SMAD4: variants seen among roughly 807,000 people sequenced by gnomAD.
SMAD4 encodes MAD homolog 4.
In SMAD4, 7 loss-of-function variants were observed where a neutral mutation model predicts 63.2. That is an observed-to-expected ratio of 0.11 (90% CI 0.06 to 0.21). SMAD4 has a LOEUF of 0.21. Ranked by LOEUF, SMAD4 falls within the 10% of genes least tolerant of loss-of-function variation. The probability of loss-of-function intolerance (pLI) is 1.00; values close to 1 mark genes in which losing one functional copy is unlikely to be tolerated. For synonymous variants in SMAD4, 215 were observed against 235.4 expected (o/e 0.91, Z 0.79); for missense variants, 312 against 693.8 (o/e 0.45, Z 6.18).
chr18:51,055,093 T>C, intron 5 of SMAD4, 100 bp downstream of exon 5: 2 of 860,554 alleles, frequency 2.3e-6, no homozygotes, highest in South Asian at 2.7e-5. Context: ...AAGTAAACAT[T>C]AAAAGTAACT....
rs764439383 is a variant in SMAD4, at chr18:51,046,936, G to A, written c.-111G>A. 5 of 900,222 alleles carry A rather than the reference G, an allele frequency of 5.6e-6. No individual in the cohort carries two copies. The highest frequency in any genetic ancestry group is 8.9e-6 in the Non-Finnish European group (5 of 563,546). The allele number at this position is 900,222 out of a possible 1,614,324, so 55.8% of individuals were successfully genotyped here. On this transcript the variant is annotated 5_prime_UTR_variant, in exon 2 of 12. The change abolishes an upstream ATG in the 5' untranslated region. Transcript: ENST00000342988. ...CTTTTTTAGGTTATCCTGAATACATGTCTAACAATTTTCCTTGCAACGTTA... is the reference window on the plus strand; with the variant it reads ...CTTTTTTAGGTTATCCTGAATACATATCTAACAATTTTCCTTGCAACGTTA...
At chr18:51,073,692 G>A (rs1910394661) in intron 10 of SMAD4, among the ~76,000 whole-genome samples, 1 of 151,706 alleles carries the variant, frequency 6.6e-6, no homozygotes, top group African/African-American at 2.4e-5. Context: ...CATCATGCCT[G>A]GCTAATTTTT....
chr18:51,039,849 C>T (rs1909321539), intron 1 of SMAD4, among the ~76,000 whole-genome samples: 1 of 152,016 alleles, frequency 6.6e-6, no homozygotes, highest in Non-Finnish European at 1.5e-5. Context: ...AAACAAGAAG[C>T]ATACATCTCG....
chr18:51,066,928 T>A, intron 9 of SMAD4, 91 bp from the exon 10 acceptor site: 1 of 984,832 alleles, frequency 1.0e-6, no homozygotes, highest in Admixed American at 1.9e-5. Context: ...TATTTTTAAT[T>A]TTTCAATATT....
chr18:51,059,641 A>T (rs1909950775), intron 7 of SMAD4, among the ~76,000 whole-genome samples: 1 of 152,214 alleles, frequency 6.6e-6, no homozygotes. Context: ...TAATAATAGC[A>T]CTTGGCAGAT....
chr18:51,084,510 TG>T lies in SMAD4; in HGVS notation c.*6049del. The stretch of plus-strand genomic sequence containing the variant: ...GCCTTCCTTGGGGCTGGGTTGAGGG[TG>T]GGGGGTTGGGGAGTCCTGGTAGAGG... On this transcript the variant is annotated 3_prime_UTR_variant, in exon 12 of 12. Transcript: ENST00000342988. The T allele has an allele frequency of 2.5e-5, 3 of 119,318 alleles. No individual in the cohort carries two copies. Among genetic ancestry groups the T allele is most frequent in the Non-Finnish European group, 1.6e-5 (1 of 61,526 alleles). The allele number at this position is 119,318 out of a possible 1,614,324, so 7.4% of individuals were successfully genotyped here.
At chr18:51,068,927 A>C (rs761485586) in intron 10 of SMAD4, among the ~76,000 whole-genome samples, 15 of 151,782 alleles carry the variant, frequency 9.9e-5, no homozygotes, top group Non-Finnish European at 2.2e-4. Flanking sequence ...TCTCAAAAAT[A>C]AATAAATAAA....
At chr18:51,033,277 C>T (rs1909104723) in intron 1 of SMAD4, among the ~76,000 whole-genome samples, 1 of 151,568 alleles carries the variant, frequency 6.6e-6, no homozygotes, top group African/African-American at 2.4e-5. Context: ...GCAAACCCCG[C>T]CTTCCGGGTT....
chr18:51,035,301 ATTTTCT>A lies in SMAD4; in HGVS notation c.-128+4682_-128+4687del, dbSNP rs1909171759. Among the ~76,000 whole-genome samples, 11 of 152,174 alleles carry A rather than the reference ATTTTCT, an allele frequency of 7.2e-5. No homozygotes were observed. In the South Asian group the frequency reaches 2.3e-3, roughly 32 times the overall value. ...CATCACTATTTTAAATAGGAAGTTG[ATTTTCT>A]TTTAAAGTATATTCTCAAATGCTTA... is the stretch of plus-strand genomic sequence containing the variant. On this transcript the variant is annotated intron_variant, in intron 1 of 11. Transcript: ENST00000342988.
intron 8 of SMAD4, among the ~76,000 whole-genome samples, chr18:51,062,053 G>A (rs1034681056): frequency 6.6e-6 from 1 of 152,160 alleles, no homozygotes; most frequent in Non-Finnish European, 1.5e-5. Flanking sequence ...AGCAGTAGAT[G>A]TCATAGTTTA....
Position 51,058,253 on chromosome 18 carries a change from A to C in SMAD4, c.787+9A>C. On this transcript the variant is annotated intron_variant, in intron 6 of 11. Transcript: ENST00000342988. ...AGCTACTTACCATCATAGTATGTAC[A>C]TACTTTAAAAAATCTTTTAAATAGT... 6.2e-7 allele frequency: 1 copy of C among 1,611,256 alleles called. No individual in the cohort carries two copies. Among genetic ancestry groups the C allele is most frequent in the Non-Finnish European group, 8.5e-7 (1 of 1,178,160 alleles).
intron 1 of SMAD4, among the ~76,000 whole-genome samples, chr18:51,039,126 A>C (rs928474765): frequency 6.6e-6 from 1 of 152,210 alleles, no homozygotes; most frequent in Admixed American, 6.5e-5. Flanking sequence ...ATATGAATAA[A>C]GGGATCCTGA....
chr18:51,049,411 G>A (rs1599182994), intron 4 of SMAD4, 87 bp downstream of exon 4: 4 of 949,110 alleles, frequency 4.2e-6, no homozygotes, highest in South Asian at 2.6e-5. Context: ...TTGTGTGAGC[G>A]GCAGGCAGTA....
At position 51,060,051 on chromosome 18, in the gene SMAD4, C is replaced by A. The variant is rs1909965859; in HGVS notation, c.955+135C>A. The A allele has an allele frequency of 5.5e-6, 4 of 724,796 alleles. No individual in the cohort carries two copies. The South Asian group carries it at 5.9e-5, about 11-fold the overall frequency. 44.9% of individuals were successfully genotyped at this position (724,796 alleles called of 1,614,324 possible). A position where few individuals can be genotyped will look rare whatever the true frequency, so the allele number is the denominator to read the frequency against. On this transcript the variant is annotated intron_variant, in intron 8 of 11. Transcript: ENST00000342988. ...AATACTCATCATGACATGAGTTAAT[C>A]AACAGTTTGAGTAGTCAATATAGTC...
intron 2 of SMAD4, among the ~76,000 whole-genome samples, chr18:51,048,341 GAGACAAGGGTCTT>G (rs1052619040): frequency 1.3e-5 from 2 of 151,966 alleles, no homozygotes; most frequent in African/African-American, 4.8e-5. Flanking sequence ...ATTATTTGTG[GAGACAAGGGTCTT>G]GCCATGTTGT....
At position 51,084,530 on chromosome 18, in the gene SMAD4, G is replaced by A; in HGVS notation, c.*6063G>A. The A allele has an allele frequency of 4.4e-6, 1 of 228,202 alleles. No individual in the cohort carries two copies. 14.1% of individuals were successfully genotyped at this position (228,202 alleles called of 1,614,324 possible). ...GAGGGTGGGGGGTTGGGGAGTCCTG[G>A]TAGAGGCCAGCTTTGTGGTAGCTGG... On this transcript the variant is annotated 3_prime_UTR_variant, in exon 12 of 12. Transcript: ENST00000342988.
intron 4 of SMAD4, chr18:51,054,466 T>G (rs1909787987): frequency 5.9e-6 from 2 of 341,716 alleles, no homozygotes; most frequent in South Asian, 2.9e-5. Context: ...TTTAGGTGAT[T>G]ATTCTTCTAG....
At chr18:51,039,916 TG>T (rs1909323669) in intron 1 of SMAD4, among the ~76,000 whole-genome samples, 1 of 152,190 alleles carries the variant, frequency 6.6e-6, no homozygotes, top group African/African-American at 2.4e-5. Context: ...TTGCTTTTAT[TG>T]CTGTATAAAT....
intron 10 of SMAD4, among the ~76,000 whole-genome samples, chr18:51,068,775 G>T (rs1281170920): frequency 1.3e-5 from 2 of 151,994 alleles, no homozygotes; most frequent in African/African-American, 4.8e-5. Context: ...TAAAAAATTA[G>T]CTGGGTGTGG....
Sources: gnomAD v4.1 joint callset for allele counts (sites outside exome capture counted in the v4.1 genomes callset) on GRCh38, gnomAD v4.1.1 for gene constraint, MANE v1.5 for transcripts, NCBI Gene and HGNC (gene_info 2026-07-23, HGNC 2026-07-21) for gene names.